MGST2: variants seen among roughly 807,000 people sequenced by gnomAD.
The protein encoded by MGST2 is microsomal glutathione S-transferase 2.
Under a neutral mutation model 16.6 loss-of-function variants are expected in MGST2, and 9 were observed. The observed-to-expected ratio is 0.54, with a 90% CI of 0.33 to 0.95. The LOEUF (loss-of-function observed/expected upper bound fraction) is 0.95. Ranked by LOEUF, MGST2 falls within the 40% of genes least tolerant of loss-of-function variation. The pLI, the probability that MGST2 is intolerant of heterozygous loss-of-function variation, is 0.03. For missense variants in MGST2, 159 were observed against 175.1 expected (o/e 0.91, Z 0.52); for synonymous variants, 79 against 68.0 (o/e 1.16, Z -0.79).
chr4:139,697,658 G>A (rs1195554889), intron 3 of MGST2, among the ~76,000 whole-genome samples: 1 of 152,052 alleles, frequency 6.6e-6, no homozygotes, highest in East Asian at 1.9e-4. Context: ...CAAACTTACA[G>A]GAACAGCACA....
intron 1 of MGST2, among the ~76,000 whole-genome samples, chr4:139,674,746 A>G (rs1420032048): frequency 6.6e-6 from 1 of 152,130 alleles, no homozygotes; most frequent in African/African-American, 2.4e-5. Context: ...ATGCCACTGC[A>G]CTCCAGCCTG....
downstream of MGST2, among the ~76,000 whole-genome samples, chr4:139,708,678 G>A (rs1156768082): frequency 6.6e-6 from 1 of 152,124 alleles, no homozygotes; most frequent in Non-Finnish European, 1.5e-5. Context: ...AAATGGCAAT[G>A]TGAGATCCTT....
intron 1 of MGST2, among the ~76,000 whole-genome samples, chr4:139,674,732 G>T (rs1579291192): frequency 6.6e-6 from 1 of 152,230 alleles, no homozygotes. Context: ...AGTGAGCTGA[G>T]ATCATGCCAC....
At chr4:139,675,559 C>A (rs1730916091) in intron 1 of MGST2, among the ~76,000 whole-genome samples, 1 of 152,200 alleles carries the variant, frequency 6.6e-6, no homozygotes. Context: ...TTTCTTGTAC[C>A]TGCTGGGCAA....
At chr4:139,695,117 A>G (rs1726841867) in intron 2 of MGST2, 80 bp from the exon 3 acceptor site, 2 of 1,003,846 alleles carry the variant, frequency 2.0e-6, no homozygotes. Flanking sequence ...TAGGCTGAAC[A>G]TTTACCTCTA....
At chr4:139,681,887 G>T (rs1199129201) in intron 2 of MGST2, among the ~76,000 whole-genome samples, 1 of 152,122 alleles carries the variant, frequency 6.6e-6, no homozygotes, top group Non-Finnish European at 1.5e-5. Context: ...ATAAGCAGAT[G>T]ATATTATAAG....
At chr4:139,737,318 T>C (rs2111011849) in intron 5 of MGST2, among the ~76,000 whole-genome samples, 1 of 152,142 alleles carries the variant, frequency 6.6e-6, no homozygotes, top group South Asian at 2.1e-4. Flanking sequence ...TTGTTGATTT[T>C]TTTTTTTTAA....
intron 5 of MGST2, chr4:139,717,165 A>T (rs1251496358): frequency 6.6e-6 from 1 of 152,572 alleles, no homozygotes; most frequent in Non-Finnish European, 1.5e-5. Flanking sequence ...AGTAAAAACA[A>T]AACCAAAACA....
intron 1 of MGST2, among the ~76,000 whole-genome samples, chr4:139,666,398 A>T (rs1730354935): frequency 6.6e-6 from 1 of 152,208 alleles, no homozygotes; most frequent in African/African-American, 2.4e-5. Flanking sequence ...AACGAGCGTT[A>T]GTAGCCTGCT....
intron 2 of MGST2, among the ~76,000 whole-genome samples, chr4:139,682,720 T>A (rs1409399719): frequency 1.3e-5 from 2 of 152,136 alleles, no homozygotes; most frequent in African/African-American, 4.8e-5. Context: ...CATTTAGAAT[T>A]CCAGGCAAGA....
intron 1 of MGST2, among the ~76,000 whole-genome samples, chr4:139,672,235 G>A (rs17050860): frequency 6.6e-6 from 1 of 152,200 alleles, no homozygotes; most frequent in African/African-American, 2.4e-5. Context: ...CTAGGCTCCT[G>A]TGCATTACTA....
chr4:139,704,989 A>G (rs1447204133), downstream of MGST2, among the ~76,000 whole-genome samples: 1 of 152,236 alleles, frequency 6.6e-6, no homozygotes, highest in Non-Finnish European at 1.5e-5. Context: ...AAGTGTTTCC[A>G]GGCCAAAAGA....
chr4:139,689,106 CAAAAAA>C (rs746270352), intron 2 of MGST2, among the ~76,000 whole-genome samples: 1 of 62,396 alleles, frequency 1.6e-5, no homozygotes, highest in African/African-American at 6.2e-5. Context: ...GACGCCATCT[CAAAAAA>C]AAAAAAAAAA....
At chr4:139,689,441 A>T (rs1560746206) in intron 2 of MGST2, among the ~76,000 whole-genome samples, 1 of 152,188 alleles carries the variant, frequency 6.6e-6, no homozygotes, top group Non-Finnish European at 1.5e-5. Context: ...TCTTTATAAA[A>T]AGATTAACTC....
chr4:139,709,910 G>A (rs1434825077), intron 5 of MGST2, among the ~76,000 whole-genome samples: 1 of 152,168 alleles, frequency 6.6e-6, no homozygotes, highest in Non-Finnish European at 1.5e-5. Flanking sequence ...AGGTGTCTGT[G>A]CCAGCTACTC....
At chr4:139,694,808 G>A (rs1464788822) in intron 2 of MGST2, among the ~76,000 whole-genome samples, 1 of 152,182 alleles carries the variant, frequency 6.6e-6, no homozygotes, top group Non-Finnish European at 1.5e-5. Flanking sequence ...ATTTTGTAAT[G>A]TTCTGGGTAA....
chr4:139,675,614 T>G (rs1255865345), intron 1 of MGST2, among the ~76,000 whole-genome samples: 2 of 152,022 alleles, frequency 1.3e-5, no homozygotes, highest in Non-Finnish European at 2.9e-5. Flanking sequence ...CCACAGGGAG[T>G]AAGAATTTAC....
At position 139,735,029 on chromosome 4, in the gene MGST2, C is replaced by A. The variant is rs962855358; in HGVS notation, c.*49-5183C>A. 1.3e-5 allele frequency among the ~76,000 whole-genome samples: 2 copies of A among 152,200 alleles called. No individual in the cohort carries two copies. Among genetic ancestry groups the A allele is most frequent in the African/African-American group, 2.4e-5 (1 of 41,456 alleles). On this transcript the variant is annotated intron_variant, in intron 5 of 5. Transcript: ENST00000616265. The surrounding 1 kb of genome is among the most constrained non-coding windows in gnomAD (Gnocchi z 5.8). The stretch of plus-strand genomic sequence containing the variant: ...CCGGCCGCCGCTGCGCCCGCGCCCC[C>A]TCCCCTCGCAGATGGCTTAATCAGG...
At chr4:139,748,269 A>G in the MGST2 span, among the ~76,000 whole-genome samples, 3 of 151,842 alleles carry the variant, frequency 2.0e-5, no homozygotes, top group African/African-American at 4.8e-5. Context: ...AAGAGAAGAC[A>G]CTCCCTAGGC....
Sources: allele counts gnomAD v4.1 joint callset (sites outside exome capture counted in the v4.1 genomes callset), GRCh38; gene constraint gnomAD v4.1.1; non-coding constraint Gnocchi (gnomAD v3.1); transcripts MANE v1.5; gene names NCBI Gene and HGNC (gene_info 2026-07-23, HGNC 2026-07-21).